The following TACC3 variants were observed in gnomAD, a reference collection of about 807,000 sequenced individuals.
TACC3 encodes the protein transforming acidic coiled-coil-containing protein 3.
Under a neutral mutation model 86.0 loss-of-function variants are expected in TACC3, and 52 were observed. The observed-to-expected ratio is 0.60, with a 90% CI of 0.48 to 0.76. The LOEUF (loss-of-function observed/expected upper bound fraction) is 0.76, where lower values mean the gene tolerates loss of function less well. Among genes scored for constraint, TACC3 ranks in the 30% least tolerant of loss-of-function variants. The pLI is 0.00. For missense variants in TACC3, 1,120 were observed against 1,070.4 expected (o/e 1.05, Z -0.65); for synonymous variants, 512 against 430.0 (o/e 1.19, Z -2.36).
intron 6 of TACC3, among the ~76,000 whole-genome samples, chr4:1,733,717 C>T (rs1297097634): frequency 6.6e-6 from 1 of 152,122 alleles, no homozygotes; most frequent in Non-Finnish European, 1.5e-5. Context: ...GTGGCTCACG[C>T]CCGTAATCCT....
chr4:1,728,894 G>C (rs561942046), intron 4 of TACC3, 107 bp downstream of exon 4: 2 of 1,160,144 alleles, frequency 1.7e-6, no homozygotes, highest in South Asian at 1.5e-5. Context: ...CTTTGAGGCC[G>C]GGTAGGTTCT....
chr4:1,723,921 T>C (rs747489203), intron 3 of TACC3, 51 bp downstream of exon 3: 23 of 1,596,538 alleles, frequency 1.4e-5, no homozygotes, highest in Middle Eastern at 1.7e-4. Context: ...CTCTGTCCGA[T>C]GGTTCTTGCA....
At chr4:1,744,152 C>T (rs553548849) in intron 13 of TACC3, among the ~76,000 whole-genome samples, 2 of 152,290 alleles carry the variant, frequency 1.3e-5, no homozygotes, top group South Asian at 4.1e-4. Flanking sequence ...CCTGCCTGTC[C>T]CCAAAGCACA....
intron 1 of TACC3, among the ~76,000 whole-genome samples, chr4:1,722,131 C>T (rs942656901): frequency 1.3e-5 from 2 of 152,224 alleles, no homozygotes; most frequent in African/African-American, 4.8e-5. Flanking sequence ...CCGCATCCCT[C>T]TTGTGCACCA....
chr4:1,744,861 CCG>C (rs763077254), intron 15 of TACC3, 29 bp downstream of exon 15: 1 of 1,612,776 alleles, frequency 6.2e-7, no homozygotes, highest in South Asian at 1.1e-5. Context: ...GCTCAAGGGG[CCG>C]TCTGGCAGCA....
At position 1,724,070 on chromosome 4, in the gene TACC3, G is replaced by A. The variant is rs548336946; in HGVS notation, c.305+200G>A. 2.3e-4 allele frequency among the ~76,000 whole-genome samples: 35 copies of A among 152,268 alleles called. No homozygotes were observed. In the East Asian group the frequency reaches 6.2e-3, roughly 27 times the overall value. On this transcript the variant is annotated intron_variant, in intron 3 of 15. Coordinates refer to ENST00000313288, the MANE Select transcript of TACC3 (RefSeq NM_006342.3). Reference sequence around the variant, plus strand: ...TGCAAGCTCCGCCCCCCAGGTTCATGCCATTCTCCTGCCTCAGCCTTCCAA... The same window carrying A: ...TGCAAGCTCCGCCCCCCAGGTTCATACCATTCTCCTGCCTCAGCCTTCCAA...
chr4:1,729,437 T>A (rs1027162450), intron 4 of TACC3, among the ~76,000 whole-genome samples: 1 of 152,094 alleles, frequency 6.6e-6, no homozygotes, highest in Non-Finnish European at 1.5e-5. Context: ...GCTGCGCTGT[T>A]ACTTATTGGA....
At chr4:1,736,070 C>T (rs567191459) in intron 8 of TACC3, among the ~76,000 whole-genome samples, 29 of 152,340 alleles carry the variant, frequency 1.9e-4, no homozygotes, top group Admixed American at 1.5e-3. Context: ...TGGTTACAGC[C>T]ACCGTTCTAG....
chr4:1,740,491 GA>G (rs1560323572), intron 12 of TACC3: 1 of 326,550 alleles, frequency 3.1e-6, no homozygotes, highest in African/African-American at 2.1e-5. Flanking sequence ...GTCCCTCCAG[GA>G]CCACCACGAA....
intron 12 of TACC3, 75 bp downstream of exon 12, chr4:1,740,077 C>T (rs1718507921): frequency 2.2e-5 from 33 of 1,510,604 alleles, no homozygotes; most frequent in Non-Finnish European, 3.0e-5. Context: ...CTGCCCTGCA[C>T]CCTGCCTAGG....
At chr4:1,740,738 A>C in intron 12 of TACC3, 88 bp from the exon 13 acceptor site, 2 of 1,234,162 alleles carry the variant, frequency 1.6e-6, no homozygotes, top group Non-Finnish European at 2.3e-6. Flanking sequence ...CTGGCGCTCG[A>C]GTCCCTTGCC....
In TACC3 at chr4:1,735,507, T is replaced by C. The variant is rs1718211312; in HGVS notation, c.1644+182T>C. On this transcript the variant is annotated intron_variant, in intron 7 of 15. Coordinates refer to ENST00000313288, the MANE Select transcript of TACC3 (RefSeq NM_006342.3). The surrounding 1 kb of genome is among the most constrained non-coding windows in gnomAD (Gnocchi z 4.2). ...AGCACCTCCTCTAAGTGGTGTCCTG[T>C]GGCAGGGCTCTAGGGCTCTCTACCT... 6.6e-6 allele frequency among the ~76,000 whole-genome samples: 1 copy of C among 152,120 alleles called. No individual in the cohort carries two copies. The highest frequency in any genetic ancestry group is 1.9e-4 in the East Asian group (1 of 5,182).
At chr4:1,732,746 C>T (rs1255771247) in intron 6 of TACC3, among the ~76,000 whole-genome samples, 1 of 152,200 alleles carries the variant, frequency 6.6e-6, no homozygotes, top group Non-Finnish European at 1.5e-5. Flanking sequence ...GCGTCTCCCT[C>T]GGGGAGGTGT....
Position 1,728,697 on chromosome 4 carries a change from C to A in TACC3, c.1295C>A (p.Pro432Gln), listed in dbSNP as rs780106100. Residue 432 changes from proline to glutamine, a missense_variant, in exon 4 of 16, where the codon CCA (proline) becomes CAA (glutamine). Transcript: ENST00000313288. The part of the protein sequence containing the change: ...TKSGCSEAQP[P>Q]ESPETRLGQP... Reference sequence around the variant, plus strand: ...TCTGGTTGCAGTGAGGCCCAGCCCCCAGAAAGCCCTGAGACCAGGCTGGGC... The same window carrying A: ...TCTGGTTGCAGTGAGGCCCAGCCCCAAGAAAGCCCTGAGACCAGGCTGGGC... 1.2e-6 allele frequency: 2 copies of A among 1,613,648 alleles called. No homozygotes were observed.
Position 1,740,876 on chromosome 4 carries a change from C to G in TACC3, c.2113C>G (p.Leu705Val). Residue 705 changes from leucine to valine, a missense_variant, in exon 13 of 16, where the codon CTA (leucine) becomes GTA (valine). By Grantham distance (32) the Leu-to-Val change is conservative. Coordinates refer to ENST00000313288, the MANE Select transcript of TACC3 (RefSeq NM_006342.3). Reference protein sequence around the residue: ...ELSKAEIQKVLKEKDQLTTDL... With the variant: ...ELSKAEIQKVVKEKDQLTTDL... ...TTCCAAAGCTGAAATCCAGAAAGTTCTAAAAGAAAAAGACCAACTTACCAC... is the reference window on the plus strand; with the variant it reads ...TTCCAAAGCTGAAATCCAGAAAGTTGTAAAAGAAAAAGACCAACTTACCAC... 6.2e-7 allele frequency: 1 copy of G among 1,612,882 alleles called. No individual in the cohort carries two copies. The highest frequency in any genetic ancestry group is 8.5e-7 in the Non-Finnish European group (1 of 1,179,750).
At chr4:1,734,048 A>G (rs541025683) in intron 6 of TACC3, among the ~76,000 whole-genome samples, 8 of 152,284 alleles carry the variant, frequency 5.3e-5, no homozygotes, top group African/African-American at 1.9e-4. Flanking sequence ...TGCTAGACTA[A>G]ATAATTGGCA....
intron 10 of TACC3, chr4:1,739,318 AAAAG>A (rs1185730509): frequency 1.0e-5 from 2 of 195,026 alleles, no homozygotes; most frequent in Non-Finnish European, 2.1e-5. Context: ...CAAAAAAAAA[AAAAG>A]AGATCTGAAC....
In TACC3 at chr4:1,728,125, C is replaced by T. The variant is rs1717791500; in HGVS notation, c.723C>T (p.Val241=). The T allele has an allele frequency of 2.5e-6, 4 of 1,612,172 alleles. No homozygotes were observed. In the South Asian group the frequency reaches 3.3e-5, roughly 13 times the overall value. ...AGGAGGAATGCCGGCACGGTGGGGTCTGTGCTCCCGCAGCAGTGGCCACTT... is the reference window on the plus strand; with the variant it reads ...AGGAGGAATGCCGGCACGGTGGGGTTTGTGCTCCCGCAGCAGTGGCCACTT... ...GAEEECRHGG[V]CAPAAVATSP... Residue 241 remains valine (V), a synonymous_variant, in exon 4 of 16, where the codon GTC becomes GTT. Transcript: ENST00000313288.
intron 10 of TACC3, chr4:1,739,373 A>G (rs1264258603): frequency 5.5e-6 from 2 of 363,816 alleles, no homozygotes; most frequent in Non-Finnish European, 9.9e-6. Flanking sequence ...CTTGGAGTTC[A>G]CTATATTTAA....
Sources: gnomAD v4.1 joint callset for allele counts (sites outside exome capture counted in the v4.1 genomes callset) on GRCh38, gnomAD v4.1.1 for gene constraint, Gnocchi (gnomAD v3.1) non-coding constraint, MANE v1.5 for transcripts, NCBI Gene and HGNC (gene_info 2026-07-23, HGNC 2026-07-21) for gene names.